The following HACE1 variants were observed in gnomAD, a reference collection of about 807,000 sequenced individuals.
HACE1 encodes the protein HECT domain and ankyrin repeat containing E3 ubiquitin protein ligase 1.
HACE1 carries 73 observed loss-of-function variants against 118.4 expected under a neutral mutation model. The ratio of observed to expected loss-of-function variants is 0.62; its 90% CI spans 0.51 to 0.75. HACE1 has a LOEUF of 0.75. Among genes scored for constraint, HACE1 ranks in the 30% least tolerant of loss-of-function variants. The probability of loss-of-function intolerance (pLI) is 0.00; values close to 1 mark genes in which losing one functional copy is unlikely to be tolerated. For missense variants in HACE1, 749 were observed against 1,102.2 expected, an observed-to-expected ratio of 0.68 and a Z score of 4.54; for synonymous variants, 368 against 374.8, an observed-to-expected ratio of 0.98 and a Z score of 0.21.
At chr6:104,761,205 C>T (rs1279734100) in intron 19 of HACE1, among the ~76,000 whole-genome samples, 1 of 151,892 alleles carries the variant, frequency 6.6e-6, no homozygotes, top group East Asian at 1.9e-4. Flanking sequence ...CTAATTTAAT[C>T]TTCATATGGA....
intron 10 of HACE1, 84 bp from the exon 11 acceptor site, chr6:104,791,738 G>C (rs1418666735): frequency 6.9e-6 from 6 of 869,196 alleles, no homozygotes; most frequent in Non-Finnish European, 1.1e-5. Context: ...TCATCCCACT[G>C]ACCATCTGTT....
chr6:104,768,935 AAATT>A (rs777529999), intron 19 of HACE1, among the ~76,000 whole-genome samples: 21 of 152,144 alleles, frequency 1.4e-4, no homozygotes, highest in Non-Finnish European at 2.5e-4. Context: ...AAATACAAAA[AAATT>A]AATAATATTT....
chr6:104,752,095 CCT>C (rs1015327543), intron 19 of HACE1, among the ~76,000 whole-genome samples: 8 of 152,084 alleles, frequency 5.3e-5, no homozygotes, highest in African/African-American at 1.9e-4. Context: ...CTCCCGAAAC[CCT>C]GTGTGGCTCC....
Position 104,737,981 on chromosome 6 carries a change from G to A in HACE1, c.2513+6179C>T, listed in dbSNP as rs534104305. ...TCTCCCATCACGCAGCTGGAGATCTGAGAACGGGCAGACTGCCTCAAGTGG... is the reference window on the plus strand; with the variant it reads ...TCTCCCATCACGCAGCTGGAGATCTAAGAACGGGCAGACTGCCTCAAGTGG... On this transcript the variant is annotated intron_variant, in intron 22 of 23. Coordinates refer to ENST00000262903, the MANE Select transcript of HACE1 (RefSeq NM_020771.4). 1.2e-4 allele frequency among the ~76,000 whole-genome samples: 18 copies of A among 152,318 alleles called. No homozygotes were observed. The South Asian group carries it at 3.7e-3, about 32-fold the overall frequency.
In HACE1 at chr6:104,771,697, C is replaced by T. The variant is rs9499968; in HGVS notation, c.2014+228G>A. On this transcript the variant is annotated intron_variant, in intron 18 of 23. Coordinates refer to ENST00000262903, the MANE Select transcript of HACE1 (RefSeq NM_020771.4). ...TATTCTTAGCATAAAAATACACACA[C>T]AAAAATTGAAAAAAAAAAAAAAAGG... 0.3 allele frequency among the ~76,000 whole-genome samples: 33,601 copies of T among 112,486 alleles called. 4,369 individuals carry two copies. The highest frequency in any genetic ancestry group is 0.39 in the African/African-American group (12,936 of 33,598). The allele number at this position is 112,486 out of a possible 152,430, so 73.8% of individuals were successfully genotyped here. A position where few individuals can be genotyped will look rare whatever the true frequency, so the allele number is the denominator to read the frequency against.
chr6:104,772,116 T>A (rs757720567), intron 17 of HACE1, 42 bp from the exon 18 acceptor site: 3 of 1,123,540 alleles, frequency 2.7e-6, no homozygotes, highest in African/African-American at 3.1e-5. Context: ...TAAGAATCTA[T>A]ATGCAGAAGA....
At chr6:104,778,210 C>T (rs557216811) in intron 14 of HACE1, among the ~76,000 whole-genome samples, 2 of 152,172 alleles carry the variant, frequency 1.3e-5, no homozygotes, top group South Asian at 4.2e-4. Flanking sequence ...GTTCATCTGC[C>T]AGGTAAGCAA....
At chr6:104,771,151 C>T in intron 19 of HACE1, 42 bp downstream of exon 19, 1 of 1,415,182 alleles carries the variant, frequency 7.1e-7, no homozygotes, top group Non-Finnish European at 1.0e-6. Flanking sequence ...CTATCAGGGC[C>T]AAGTTACAAA....
intron 22 of HACE1, among the ~76,000 whole-genome samples, chr6:104,741,920 G>T (rs1485188630): frequency 6.6e-6 from 1 of 151,544 alleles, no homozygotes; most frequent in Non-Finnish European, 1.5e-5. Context: ...ATACGACAAG[G>T]CTACAGTAAC....
intron 22 of HACE1, among the ~76,000 whole-genome samples, chr6:104,739,598 A>G (rs1437347782): frequency 6.6e-6 from 1 of 152,132 alleles, no homozygotes; most frequent in Admixed American, 6.5e-5. Context: ...AAAGGGATCA[A>G]TTCAACAAGA....
In HACE1 at chr6:104,857,774, G is replaced by A. The variant is rs139682460; in HGVS notation, c.76+1793C>T. Among the ~76,000 whole-genome samples, 1,313 of 152,000 alleles carry A rather than the reference G, an allele frequency of 8.6e-3. 9 individuals are homozygous for A. Among genetic ancestry groups the A allele is most frequent in the Admixed American group, 0.012 (183 of 15,278 alleles). ...CGATCGAGACCATCCTAGCTAACAC[G>A]GTGAAACCCCGTCTCTACTAAAAAT... is the stretch of plus-strand genomic sequence containing the variant. On this transcript the variant is annotated intron_variant, in intron 1 of 23. Transcript: ENST00000262903.
At chr6:104,797,715 G>C (rs1046898062) in intron 7 of HACE1, among the ~76,000 whole-genome samples, 3 of 151,930 alleles carry the variant, frequency 2.0e-5, no homozygotes, top group South Asian at 4.2e-4. Flanking sequence ...CCTCCTTCTT[G>C]TAGAAGTAGA....
chr6:104,846,376 C>A (rs886877424), intron 4 of HACE1, among the ~76,000 whole-genome samples: 1 of 152,116 alleles, frequency 6.6e-6, no homozygotes, highest in African/African-American at 2.4e-5. Flanking sequence ...AATTTTAAAG[C>A]CTCTCCTTTT....
intron 6 of HACE1, among the ~76,000 whole-genome samples, chr6:104,819,969 G>T (rs1483033736): frequency 6.6e-6 from 1 of 152,148 alleles, no homozygotes; most frequent in Non-Finnish European, 1.5e-5. Flanking sequence ...GGCCAATGCT[G>T]GTGGATCACT....
intron 4 of HACE1, 26 bp downstream of exon 4, chr6:104,849,116 G>C: frequency 1.6e-6 from 2 of 1,245,974 alleles, no homozygotes; most frequent in Non-Finnish European, 2.4e-6. Context: ...TACAACTTAA[G>C]CCACTTAAGA....
chr6:104,842,140 AC>A (rs987173331), intron 5 of HACE1, among the ~76,000 whole-genome samples: 3 of 152,182 alleles, frequency 2.0e-5, no homozygotes, highest in Admixed American at 6.5e-5. Flanking sequence ...CCCCACCTCT[AC>A]AAAAAAATAT....
intron 17 of HACE1, among the ~76,000 whole-genome samples, chr6:104,773,500 T>C (rs1170233025): frequency 3.3e-5 from 5 of 152,028 alleles, no homozygotes; most frequent in Admixed American, 3.3e-4. Flanking sequence ...TTCACTGTCA[T>C]GAAGCAAGAC....
At chr6:104,744,063 C>G in intron 22 of HACE1, 97 bp downstream of exon 22, 3 of 788,696 alleles carry the variant, frequency 3.8e-6, no homozygotes, top group South Asian at 1.4e-5. Context: ...AAGTTACTGA[C>G]AATTCAGAGT....
chr6:104,763,577 C>T (rs1050612840), intron 19 of HACE1, among the ~76,000 whole-genome samples: 10 of 151,794 alleles, frequency 6.6e-5, no homozygotes, highest in Admixed American at 3.3e-4. Flanking sequence ...ACACTTACAC[C>T]TAACTACTTA....
Sources: allele counts gnomAD v4.1 joint callset (sites outside exome capture counted in the v4.1 genomes callset), GRCh38; gene constraint gnomAD v4.1.1; transcripts MANE v1.5; gene names NCBI Gene and HGNC (gene_info 2026-07-23, HGNC 2026-07-21).